The following PLA2G4A variants were observed in gnomAD, a reference collection of about 807,000 sequenced individuals.
The protein encoded by PLA2G4A is phospholipase A2 group IVA.
PLA2G4A carries 40 observed loss-of-function variants against 81.9 expected under a neutral mutation model. The observed-to-expected ratio is 0.49, with a 90% CI of 0.38 to 0.64. The LOEUF (loss-of-function observed/expected upper bound fraction) is 0.64, where lower values mean the gene tolerates loss of function less well. Among genes scored for constraint, PLA2G4A ranks in the 30% least tolerant of loss-of-function variants. The pLI is 0.00. For synonymous variants in PLA2G4A, 302 were observed against 296.9 expected, an observed-to-expected ratio of 1.02 and a Z score of -0.18; for missense variants, 715 against 905.1, an observed-to-expected ratio of 0.79 and a Z score of 2.69.
At chr1:186,942,452 T>A (rs1656188381) in intron 10 of PLA2G4A, among the ~76,000 whole-genome samples, 1 of 152,182 alleles carries the variant, frequency 6.6e-6, no homozygotes, top group African/African-American at 2.4e-5. Flanking sequence ...AGTCATGTAA[T>A]CTCTGATTCT....
intron 2 of PLA2G4A, among the ~76,000 whole-genome samples, chr1:186,863,775 T>G (rs1315220392): frequency 1.4e-5 from 2 of 147,692 alleles, no homozygotes; most frequent in Admixed American, 6.7e-5. Context: ...TTTTTTTTTT[T>G]TTGGGGACAG....
chr1:186,878,459 C>A, intron 3 of PLA2G4A, among the ~76,000 whole-genome samples: 1 of 150,798 alleles, frequency 6.6e-6, no homozygotes, highest in East Asian at 1.9e-4. Context: ...TTAGAGTATC[C>A]ACCCAAGATT....
intron 10 of PLA2G4A, among the ~76,000 whole-genome samples, chr1:186,940,369 C>A (rs1419668745): frequency 6.6e-6 from 1 of 152,178 alleles, no homozygotes; most frequent in Non-Finnish European, 1.5e-5. Flanking sequence ...ATTATCCACT[C>A]CTCAGTAACT....
At chr1:186,887,281 G>A (rs531189557) in intron 3 of PLA2G4A, among the ~76,000 whole-genome samples, 4 of 152,180 alleles carry the variant, frequency 2.6e-5, no homozygotes, top group Non-Finnish European at 5.9e-5. Flanking sequence ...GGGGAAATAG[G>A]CAAATAGAGA....
At chr1:186,887,055 T>G (rs1192242032) in intron 3 of PLA2G4A, among the ~76,000 whole-genome samples, 1 of 152,126 alleles carries the variant, frequency 6.6e-6, no homozygotes, top group Non-Finnish European at 1.5e-5. Context: ...GATGAATCCG[T>G]GAAGGTCATG....
At chr1:186,870,736 G>T (rs774445197) in intron 3 of PLA2G4A, 12 of 1,550,510 alleles carry the variant, frequency 7.7e-6, no homozygotes, top group Non-Finnish European at 1.0e-5. Context: ...GGGGCCTTTG[G>T]TGACATGCGT....
At chr1:186,958,237 T>G (rs6683363) in intron 14 of PLA2G4A, among the ~76,000 whole-genome samples, 1 of 152,176 alleles carries the variant, frequency 6.6e-6, no homozygotes, top group Admixed American at 6.5e-5. Flanking sequence ...GGATTCACTA[T>G]GTTATATAGC....
At chr1:186,979,800 A>AAAT (rs1372203022) in intron 17 of PLA2G4A, among the ~76,000 whole-genome samples, 7 of 152,182 alleles carry the variant, frequency 4.6e-5, no homozygotes, top group Non-Finnish European at 1.0e-4. Context: ...TGAGTAAAGG[A>AAAT]AATATGAGTA....
intron 1 of PLA2G4A, among the ~76,000 whole-genome samples, chr1:186,850,968 T>C (rs937027846): frequency 2.0e-5 from 3 of 152,080 alleles, no homozygotes; most frequent in African/African-American, 7.2e-5. Context: ...TATAATGTTA[T>C]TAGTGATAAG....
At chr1:186,897,538 T>A (rs1654376013) in intron 5 of PLA2G4A, among the ~76,000 whole-genome samples, 1 of 152,202 alleles carries the variant, frequency 6.6e-6, no homozygotes, top group Non-Finnish European at 1.5e-5. Flanking sequence ...AGACAGGGTC[T>A]CGCTCTGTTG....
At chr1:186,987,272 T>C (rs989334543) in intron 17 of PLA2G4A, among the ~76,000 whole-genome samples, 1 of 152,240 alleles carries the variant, frequency 6.6e-6, no homozygotes, top group Non-Finnish European at 1.5e-5. Flanking sequence ...TGAGCATGCA[T>C]CTCCAAGGCC....
At chr1:186,986,234 AT>A (rs201814893) in intron 17 of PLA2G4A, among the ~76,000 whole-genome samples, 4 of 152,136 alleles carry the variant, frequency 2.6e-5, no homozygotes, top group East Asian at 1.9e-4. Flanking sequence ...GATATTGCTG[AT>A]TTTTTTTATG....
At chr1:186,840,785 G>C (rs1651952644) in intron 1 of PLA2G4A, among the ~76,000 whole-genome samples, 1 of 152,118 alleles carries the variant, frequency 6.6e-6, no homozygotes, top group Non-Finnish European at 1.5e-5. Flanking sequence ...TTAGAAAAAA[G>C]ATATGGCTTT....
In PLA2G4A at chr1:186,860,169, T is replaced by G. The variant is rs115076002; in HGVS notation, c.33+5782T>G. 1.9e-3 allele frequency among the ~76,000 whole-genome samples: 291 copies of G among 152,274 alleles called. 2 individuals are homozygous for G. The highest frequency in any genetic ancestry group is 6.8e-3 in the African/African-American group (283 of 41,560). ...AGGAGATATTAATTTATTAAGTATG[T>G]GGTATTAATTAATTTATTATGACAA... On this transcript the variant is annotated intron_variant, in intron 2 of 17. Transcript: ENST00000367466.
chr1:186,965,335 A>G, intron 14 of PLA2G4A, 74 bp from the exon 15 acceptor site: 1 of 1,178,408 alleles, frequency 8.5e-7, no homozygotes, highest in Non-Finnish European at 1.2e-6. Context: ...CAAATTTGAA[A>G]CCAACATTTT....
At chr1:186,974,706 G>A (rs1001244419) in intron 15 of PLA2G4A, among the ~76,000 whole-genome samples, 1 of 152,160 alleles carries the variant, frequency 6.6e-6, no homozygotes, top group African/African-American at 2.4e-5. Flanking sequence ...GTAATTTGTG[G>A]AGCAGCAATT....
chr1:186,955,139 G>A (rs1391531562), intron 13 of PLA2G4A, among the ~76,000 whole-genome samples: 1 of 152,140 alleles, frequency 6.6e-6, no homozygotes, highest in Non-Finnish European at 1.5e-5. Flanking sequence ...GTATGCATAG[G>A]TGGTAAGGAA....
chr1:186,981,642 G>T (rs549420332), intron 17 of PLA2G4A, among the ~76,000 whole-genome samples: 1 of 151,780 alleles, frequency 6.6e-6, no homozygotes, highest in African/African-American at 2.4e-5. Flanking sequence ...TTGCATTATC[G>T]TGCAACCAAC....
chr1:186,965,920 T>TGAGAA (rs1657111700), intron 15 of PLA2G4A, among the ~76,000 whole-genome samples: 1 of 152,002 alleles, frequency 6.6e-6, no homozygotes, highest in African/African-American at 2.4e-5. Flanking sequence ...GGGTACACCC[T>TGAGAA]GAGAAGAGAA....
Sources: allele counts gnomAD v4.1 joint callset (sites outside exome capture counted in the v4.1 genomes callset), GRCh38; gene constraint gnomAD v4.1.1; transcripts MANE v1.5; gene names NCBI Gene and HGNC (gene_info 2026-07-23, HGNC 2026-07-21).